KLF7: variants seen among roughly 807,000 people sequenced by gnomAD.
The protein encoded by KLF7 is Krueppel-like factor 7.
A neutral mutation model predicts 27.3 loss-of-function variants in KLF7; 2 were observed. That is an observed-to-expected ratio of 0.07 (90% CI 0.03 to 0.23). The LOEUF (loss-of-function observed/expected upper bound fraction) is 0.23. Among genes scored for constraint, KLF7 ranks in the 10% least tolerant of loss-of-function variants. KLF7 has a pLI of 1.00. For missense variants in KLF7, 221 were observed against 394.1 expected (o/e 0.56, Z 3.72); for synonymous variants, 165 against 162.4 (o/e 1.02, Z -0.12).
chr2:207,166,249 G>A, upstream of KLF7: 1 of 924,100 alleles, frequency 1.1e-6, no homozygotes, highest in South Asian at 5.0e-5. Flanking sequence ...GCCCGGAGCA[G>A]AGCCTGGGGC....
chr2:207,092,158 G>T (rs1365252059), intron 2 of KLF7, among the ~76,000 whole-genome samples: 2 of 152,106 alleles, frequency 1.3e-5, no homozygotes, highest in African/African-American at 4.8e-5. Context: ...ACAACACTAT[G>T]CTGTATCGCA....
intron 2 of KLF7, among the ~76,000 whole-genome samples, chr2:207,118,872 T>C (rs903898008): frequency 8.5e-5 from 13 of 152,250 alleles, no homozygotes; most frequent in African/African-American, 3.1e-4. Flanking sequence ...GCCTTTTGAA[T>C]GCTACACTGG....
At chr2:207,155,604 C>T (rs751818360) in intron 1 of KLF7, among the ~76,000 whole-genome samples, 6 of 152,122 alleles carry the variant, frequency 3.9e-5, no homozygotes, top group Non-Finnish European at 8.8e-5. Context: ...ATCTCTTGAT[C>T]CGTATTAAAG....
chr2:207,110,667 A>C (rs1450334144), intron 2 of KLF7, among the ~76,000 whole-genome samples: 1 of 152,212 alleles, frequency 6.6e-6, no homozygotes, highest in Admixed American at 6.5e-5. Flanking sequence ...TTCAATCTAG[A>C]AGGTTAAGCA....
chr2:207,115,914 C>T (rs2077169195), intron 2 of KLF7, among the ~76,000 whole-genome samples: 1 of 152,188 alleles, frequency 6.6e-6, no homozygotes, highest in African/African-American at 2.4e-5. Context: ...GTATTGCTAC[C>T]AGATCCTTTC....
chr2:207,131,221 T>C (rs928401125), intron 1 of KLF7, among the ~76,000 whole-genome samples: 1 of 152,210 alleles, frequency 6.6e-6, no homozygotes, highest in Non-Finnish European at 1.5e-5. Context: ...GGGACAGACT[T>C]TGGTTCCCAG....
At chr2:207,164,439 T>C (rs2078638583) in intron 1 of KLF7, among the ~76,000 whole-genome samples, 1 of 151,970 alleles carries the variant, frequency 6.6e-6, no homozygotes, top group South Asian at 2.1e-4. Context: ...AATTTTTAAA[T>C]ACCCGTGTCC....
chr2:207,091,137 G>A (rs895403373), intron 2 of KLF7, among the ~76,000 whole-genome samples: 3 of 152,160 alleles, frequency 2.0e-5, no homozygotes, highest in African/African-American at 7.2e-5. Context: ...GAAGGACACA[G>A]GAAGGGCAGA....
intron 2 of KLF7, among the ~76,000 whole-genome samples, chr2:207,115,826 G>T (rs2105956888): frequency 6.6e-6 from 1 of 152,290 alleles, no homozygotes; most frequent in Non-Finnish European, 1.5e-5. Context: ...GAAGATTAAA[G>T]TGTTATACAC....
chr2:207,128,533 G>A (rs188572612), intron 1 of KLF7, among the ~76,000 whole-genome samples: 3 of 152,162 alleles, frequency 2.0e-5, no homozygotes, highest in Admixed American at 6.5e-5. Context: ...AGTATCCACC[G>A]AACAAAATAT....
intron 1 of KLF7, among the ~76,000 whole-genome samples, chr2:207,130,003 T>C (rs1019022059): frequency 2.0e-5 from 3 of 152,212 alleles, no homozygotes; most frequent in African/African-American, 4.8e-5. Flanking sequence ...TATATGGGCA[T>C]GGTGCCAAGG....
intron 1 of KLF7, among the ~76,000 whole-genome samples, chr2:207,126,710 G>C (rs886668540): frequency 6.6e-6 from 1 of 152,078 alleles, no homozygotes; most frequent in African/African-American, 2.4e-5. Flanking sequence ...GGCTGAGGCG[G>C]GAGAATCACT....
At chr2:207,159,874 A>G (rs2078492421) in intron 1 of KLF7, among the ~76,000 whole-genome samples, 1 of 152,192 alleles carries the variant, frequency 6.6e-6, no homozygotes, top group South Asian at 2.1e-4. Flanking sequence ...GTCACACCAA[A>G]TACCCCGAGA....
At chr2:207,151,176 G>T (rs1027459386) in intron 1 of KLF7, among the ~76,000 whole-genome samples, 1 of 152,072 alleles carries the variant, frequency 6.6e-6, no homozygotes, top group Admixed American at 6.6e-5. Context: ...GCCTCCCGAG[G>T]TAATTCTGTG....
upstream of KLF7, among the ~76,000 whole-genome samples, chr2:207,169,834 T>C (rs1372883941): frequency 6.6e-6 from 1 of 152,174 alleles, no homozygotes; most frequent in African/African-American, 2.4e-5. Context: ...AAATAAGACA[T>C]AGAACTTAAC....
chr2:207,161,960 A>C (rs529633441), intron 1 of KLF7, among the ~76,000 whole-genome samples: 1 of 152,220 alleles, frequency 6.6e-6, no homozygotes, highest in East Asian at 1.9e-4. Context: ...ATAATTCCAT[A>C]AGACTTTTCA....
chr2:207,141,138 T>C (rs770715029), intron 1 of KLF7, among the ~76,000 whole-genome samples: 28 of 152,148 alleles, frequency 1.8e-4, no homozygotes, highest in Non-Finnish European at 4.1e-4. Flanking sequence ...AAATCCTCCG[T>C]GAATATAATA....
chr2:207,096,818 A>G (rs551030743), intron 2 of KLF7, among the ~76,000 whole-genome samples: 1 of 152,374 alleles, frequency 6.6e-6, no homozygotes, highest in Admixed American at 6.5e-5. Context: ...ACTTATTTAC[A>G]TATAGGACCC....
At chr2:207,166,022 C>G (rs1005751352), upstream of KLF7, 7 of 537,550 alleles carry the variant, frequency 1.3e-5, no homozygotes, top group African/African-American at 4.8e-5. Context: ...TCTCTTCCCC[C>G]CCCTTCCCTT....
Sources: gnomAD v4.1 joint callset for allele counts (sites outside exome capture counted in the v4.1 genomes callset) on GRCh38, gnomAD v4.1.1 for gene constraint, MANE v1.5 for transcripts, NCBI Gene and HGNC (gene_info 2026-07-23, HGNC 2026-07-21) for gene names.